TRPC4: variants seen among roughly 807,000 people sequenced by gnomAD.
TRPC4 encodes transient receptor potential cation channel subfamily C member 4.
TRPC4 carries 49 observed loss-of-function variants against 99.4 expected under a neutral mutation model. That is an observed-to-expected ratio of 0.49 (90% CI 0.39 to 0.63). The LOEUF (loss-of-function observed/expected upper bound fraction) is 0.63. Ranked by LOEUF, TRPC4 falls within the 20% of genes least tolerant of loss-of-function variation. TRPC4 has a pLI of 0.00. For synonymous variants in TRPC4, 454 were observed against 425.9 expected (o/e 1.07, Z -0.81); for missense variants, 898 against 1,152.9 (o/e 0.78, Z 3.20).
chr13:37,640,419 C>T (rs1347362071), intron 8 of TRPC4, among the ~76,000 whole-genome samples: 2 of 152,090 alleles, frequency 1.3e-5, no homozygotes, highest in Non-Finnish European at 2.9e-5. Flanking sequence ...GCTATTTTCA[C>T]TGGCCATAAG....
chr13:37,844,293 TTTTC>T (rs957459171), intron 1 of TRPC4, among the ~76,000 whole-genome samples: 1 of 152,106 alleles, frequency 6.6e-6, no homozygotes, highest in East Asian at 1.9e-4. Context: ...TTCTTTTTTT[TTTTC>T]TTTCTTTATT....
intron 10 of TRPC4, among the ~76,000 whole-genome samples, chr13:37,638,365 CT>C (rs1951601138): frequency 2.6e-5 from 4 of 152,104 alleles, no homozygotes; most frequent in Admixed American, 2.6e-4. Flanking sequence ...TGTAATTTCT[CT>C]ATCTTCTTAC....
At chr13:37,651,123 T>A in intron 8 of TRPC4, 142 bp downstream of exon 8, 1 of 898,292 alleles carries the variant, frequency 1.1e-6, no homozygotes. Flanking sequence ...GCCTTAGTCA[T>A]GGGAGATGTG....
At chr13:37,700,835 T>C (rs1018362290) in intron 3 of TRPC4, among the ~76,000 whole-genome samples, 1 of 152,146 alleles carries the variant, frequency 6.6e-6, no homozygotes, top group Non-Finnish European at 1.5e-5. Flanking sequence ...AGCCTTAAGG[T>C]TGAGAATAAG....
chr13:37,636,799 T>C lies in TRPC4; in HGVS notation c.*104A>G. On this transcript the variant is annotated 3_prime_UTR_variant, in exon 11 of 11. Coordinates refer to ENST00000379705, the MANE Select transcript of TRPC4 (RefSeq NM_016179.4). ...AATATGCCACAGCTGATAAACGCTA[T>C]AAAGTGTAAGTTAGCATTTGCTAAT... 6.9e-7 allele frequency: 1 copy of C among 1,456,420 alleles called. No homozygotes were observed. Among genetic ancestry groups the C allele is most frequent in the Non-Finnish European group, 9.2e-7 (1 of 1,092,066 alleles). 90.2% of individuals were successfully genotyped at this position (1,456,420 alleles called of 1,614,324 possible).
intron 3 of TRPC4, among the ~76,000 whole-genome samples, chr13:37,736,935 G>T (rs1955416335): frequency 7.0e-6 from 1 of 141,860 alleles, no homozygotes; most frequent in African/African-American, 2.6e-5. Context: ...GTTGCACCGT[G>T]TTGCCCAGGC....
At chr13:37,786,332 AC>A (rs2139365597) in intron 1 of TRPC4, among the ~76,000 whole-genome samples, 4 of 143,888 alleles carry the variant, frequency 2.8e-5, no homozygotes, top group African/African-American at 1.0e-4. Flanking sequence ...ACACACACAC[AC>A]GTAGAGAAGA....
chr13:37,704,990 T>C (rs1954220660), intron 3 of TRPC4, among the ~76,000 whole-genome samples: 1 of 152,170 alleles, frequency 6.6e-6, no homozygotes, highest in South Asian at 2.1e-4. Flanking sequence ...AAGAGATATC[T>C]GCACTTCTGT....
At position 37,706,423 on chromosome 13, in the gene TRPC4, G is replaced by T. The variant is rs186977610; in HGVS notation, c.898-14088C>A. 4.4e-3 allele frequency among the ~76,000 whole-genome samples: 663 copies of T among 152,250 alleles called. 6 individuals carry two copies. Among genetic ancestry groups the T allele is most frequent in the South Asian group, 0.023 (111 of 4,828 alleles). On this transcript the variant is annotated intron_variant, in intron 3 of 10. Transcript: ENST00000379705. ...CCCAGGAGATCACTGGGTTGCTTGAGGGTAGGGTAAGAAGGCTGCCTCAGT... is the reference window on the plus strand; with the variant it reads ...CCCAGGAGATCACTGGGTTGCTTGATGGTAGGGTAAGAAGGCTGCCTCAGT...
intron 3 of TRPC4, among the ~76,000 whole-genome samples, chr13:37,724,835 G>A (rs1555263076): frequency 6.6e-6 from 1 of 152,162 alleles, no homozygotes; most frequent in Admixed American, 6.5e-5. Context: ...TAAATAATTT[G>A]TTATTTAATG....
At chr13:37,744,261 A>G (rs2139148648) in intron 3 of TRPC4, among the ~76,000 whole-genome samples, 1 of 152,318 alleles carries the variant, frequency 6.6e-6, no homozygotes, top group East Asian at 1.9e-4. Context: ...TTTCAAGTCT[A>G]AAGCCTGCAA....
At chr13:37,837,855 T>C in intron 1 of TRPC4, among the ~76,000 whole-genome samples, 1 of 152,160 alleles carries the variant, frequency 6.6e-6, no homozygotes, top group Non-Finnish European at 1.5e-5. Context: ...AAATCTCATC[T>C]TGAATTCCCA....
chr13:37,649,595 G>A (rs61543117), intron 8 of TRPC4, among the ~76,000 whole-genome samples: 56,772 of 151,662 alleles, frequency 0.37, 11,113 homozygotes, highest in African/African-American at 0.45. Context: ...TTAGCCGAGA[G>A]TGGTGGCAGG....
intron 1 of TRPC4, among the ~76,000 whole-genome samples, chr13:37,840,398 G>A (rs1958699160): frequency 6.6e-6 from 1 of 151,980 alleles, no homozygotes; most frequent in Admixed American, 6.6e-5. Context: ...AACTATAAAG[G>A]ATAATCTTTG....
Position 37,685,959 on chromosome 13 carries a change from C to T in TRPC4, c.1234+6040G>A, listed in dbSNP as rs527487774. 2.6e-4 allele frequency among the ~76,000 whole-genome samples: 39 copies of T among 152,036 alleles called. No homozygotes were observed. In the South Asian group the frequency reaches 5.8e-3, roughly 23 times the overall value. On this transcript the variant is annotated intron_variant, in intron 4 of 10. Coordinates refer to ENST00000379705, the MANE Select transcript of TRPC4 (RefSeq NM_016179.4). ...AAATAGTAAAATGAGGGTCATATGT[C>T]GCACTGTACTATCTGATTTCCTCAA... is the stretch of plus-strand genomic sequence containing the variant.
intron 2 of TRPC4, among the ~76,000 whole-genome samples, chr13:37,781,357 A>G (rs543776329): frequency 7.9e-5 from 12 of 152,224 alleles, no homozygotes; most frequent in South Asian, 6.2e-4. Context: ...AGTGTACAAT[A>G]TAATATCATT....
At chr13:37,741,693 C>G (rs893809440) in intron 3 of TRPC4, among the ~76,000 whole-genome samples, 1 of 152,120 alleles carries the variant, frequency 6.6e-6, no homozygotes, top group Non-Finnish European at 1.5e-5. Flanking sequence ...AAATGCAAGG[C>G]TTTCATTACG....
chr13:37,646,971 A>G (rs1292238546), intron 8 of TRPC4, among the ~76,000 whole-genome samples: 1 of 152,238 alleles, frequency 6.6e-6, no homozygotes, highest in Non-Finnish European at 1.5e-5. Context: ...TCTCCCATAA[A>G]GCAGTCAAGT....
rs538814334 is a variant in TRPC4, at chr13:37,712,205, C to T, written c.898-19870G>A. Reference sequence around the variant, plus strand: ...GGGATTGTGGTTATGTCCTTGATTGCCTTTCTCTCCAAAGATTGACAAGTG... The same window carrying T: ...GGGATTGTGGTTATGTCCTTGATTGTCTTTCTCTCCAAAGATTGACAAGTG... On this transcript the variant is annotated intron_variant, in intron 3 of 10. Coordinates refer to ENST00000379705, the MANE Select transcript of TRPC4 (RefSeq NM_016179.4). Among the ~76,000 whole-genome samples the T allele has an allele frequency of 3.9e-5, 6 of 152,200 alleles. No homozygotes were observed. In the East Asian group the frequency reaches 9.7e-4, roughly 25 times the overall value.
Sources: allele counts gnomAD v4.1 joint callset (sites outside exome capture counted in the v4.1 genomes callset), GRCh38; gene constraint gnomAD v4.1.1; transcripts MANE v1.5; gene names NCBI Gene and HGNC (gene_info 2026-07-23, HGNC 2026-07-21).